The following AGBL1 variants were observed in gnomAD, a reference collection of about 807,000 sequenced individuals.
AGBL1 encodes AGBL carboxypeptidase 1.
A neutral mutation model predicts 118.9 loss-of-function variants in AGBL1; 130 were observed. The observed-to-expected ratio is 1.09, with a 90% CI of 0.95 to 1.26. The LOEUF (loss-of-function observed/expected upper bound fraction) is 1.26, where lower values mean the gene tolerates loss of function less well. Among genes scored for constraint, AGBL1 ranks in the 50% most tolerant of loss-of-function variants. AGBL1 has a pLI of 0.00. For missense variants in AGBL1, 1,584 were observed against 1,298.1 expected (o/e 1.22, Z -3.38); for synonymous variants, 555 against 478.9 (o/e 1.16, Z -2.08).
At position 86,256,906 on chromosome 15, in the gene AGBL1, C is replaced by A. The variant is rs372417529; in HGVS notation, c.789C>A (p.Ile263=). 1 of 1,613,802 alleles carries A rather than the reference C, an allele frequency of 6.2e-7. No individual in the cohort carries two copies. The highest frequency in any genetic ancestry group is 8.5e-7 in the Non-Finnish European group (1 of 1,179,880). ...CCGTCATCTCTGTGGTGCTTCAGAT[C>A]CTGAGGCAGTGCTACCCTACGAGTC... ...MEPVISVVLQ[I]LRQCYPTSPL... The change falls in exon 8 of 23, where the codon ATC becomes ATA. Residue 263 remains isoleucine, a synonymous_variant. Coordinates refer to ENST00000614907, the MANE Select transcript of AGBL1 (RefSeq NM_001386094.1).
At chr15:86,303,571 A>G (rs766336368) in intron 17 of AGBL1, among the ~76,000 whole-genome samples, 7 of 152,194 alleles carry the variant, frequency 4.6e-5, no homozygotes, top group African/African-American at 1.2e-4. Context: ...AGGCCTAAAA[A>G]TTATTTAAGA....
In AGBL1 at chr15:86,418,348, T is replaced by C. The variant is rs79428363; in HGVS notation, c.2555+20802T>C. Among the ~76,000 whole-genome samples the C allele has an allele frequency of 1.3e-3, 202 of 152,310 alleles. 8 individuals carry two copies. In the East Asian group the frequency reaches 0.035, roughly 26 times the overall value. On this transcript the variant is annotated intron_variant, in intron 18 of 22. Coordinates refer to ENST00000614907, the MANE Select transcript of AGBL1 (RefSeq NM_001386094.1). ...ACTTGCAAGGATATCTTGAGAGACT[T>C]TTGCAAATTCCTCACTGAAGGCCTG...
intron 22 of AGBL1, among the ~76,000 whole-genome samples, chr15:86,748,749 C>G (rs1357046237): frequency 6.6e-6 from 1 of 151,720 alleles, no homozygotes; most frequent in Non-Finnish European, 1.5e-5. Context: ...TTTCCCAGCA[C>G]CATTTATTAA....
chr15:86,663,990 A>T (rs2085594810), intron 21 of AGBL1, among the ~76,000 whole-genome samples: 1 of 152,128 alleles, frequency 6.6e-6, no homozygotes. Flanking sequence ...TGCTGTGGTC[A>T]TTCATGGTGT....
intron 18 of AGBL1, among the ~76,000 whole-genome samples, chr15:86,520,639 T>G (rs989338851): frequency 3.3e-5 from 5 of 152,134 alleles, no homozygotes; most frequent in African/African-American, 4.8e-5. Flanking sequence ...GCTGGACACA[T>G]GTATGCTTGC....
chr15:86,883,521 C>G (rs369041677), intron 22 of AGBL1, among the ~76,000 whole-genome samples: 5 of 152,136 alleles, frequency 3.3e-5, no homozygotes, highest in African/African-American at 1.2e-4. Flanking sequence ...TTCCTGCCTC[C>G]CCCTGACAGA....
intron 24 of AGBL1, among the ~76,000 whole-genome samples, chr15:87,028,364 G>A (rs1417690572): frequency 4.6e-5 from 7 of 152,032 alleles, no homozygotes; most frequent in South Asian, 4.2e-4. Flanking sequence ...AGACTCAAAC[G>A]TGGTTAGTGA....
rs142002722 is a variant in AGBL1 at position 87,004,511 on chromosome 15, C to T, written c.3323+16423C>T. Among the ~76,000 whole-genome samples, 820 of 152,082 alleles carry T rather than the reference C, an allele frequency of 5.4e-3. 4 individuals are homozygous for T. Among genetic ancestry groups the T allele is most frequent in the Non-Finnish European group, 8.3e-3 (567 of 67,992 alleles). On this transcript the variant is annotated intron_variant, in intron 24 of 24. Coordinates refer to the AGBL1 transcript ENST00000441037. ...TTTTATCAGAGACTAAGATTATAAC[C>T]CCTGCCTTTTTTTGTTTTCCATTTG...
At chr15:86,752,117 A>G (rs2077863611) in intron 22 of AGBL1, among the ~76,000 whole-genome samples, 1 of 152,084 alleles carries the variant, frequency 6.6e-6, no homozygotes, top group Non-Finnish European at 1.5e-5. Context: ...GCAGGAGTTA[A>G]TGTACCACAG....
chr15:86,388,379 T>C (rs1292118275), intron 17 of AGBL1, among the ~76,000 whole-genome samples: 2 of 152,024 alleles, frequency 1.3e-5, no homozygotes, highest in Non-Finnish European at 2.9e-5. Flanking sequence ...AAAAGAATAC[T>C]GAAGGAACCA....
At chr15:86,578,286 T>G (rs1318079400) in intron 21 of AGBL1, among the ~76,000 whole-genome samples, 1 of 152,224 alleles carries the variant, frequency 6.6e-6, no homozygotes, top group Non-Finnish European at 1.5e-5. Flanking sequence ...ATTTCAGACT[T>G]GCATGGGGGA....
At chr15:86,479,551 A>T (rs2082618443) in intron 18 of AGBL1, among the ~76,000 whole-genome samples, 1 of 152,214 alleles carries the variant, frequency 6.6e-6, no homozygotes, top group Admixed American at 6.5e-5. Context: ...CACCAGTTAG[A>T]ATGGTGATCA....
intron 18 of AGBL1, among the ~76,000 whole-genome samples, chr15:86,495,965 A>C (rs2082849015): frequency 6.6e-6 from 1 of 151,780 alleles, no homozygotes. Context: ...TTTCACCCCC[A>C]ATACTAGTAT....
intron 22 of AGBL1, among the ~76,000 whole-genome samples, chr15:86,746,287 GA>G (rs1218360349): frequency 1.3e-5 from 2 of 152,072 alleles, no homozygotes; most frequent in Non-Finnish European, 2.9e-5. Flanking sequence ...CATCCATATT[GA>G]AAAGGTTTTA....
At chr15:86,536,733 G>T (rs1197367938) in intron 19 of AGBL1, among the ~76,000 whole-genome samples, 1 of 152,184 alleles carries the variant, frequency 6.6e-6, no homozygotes, top group African/African-American at 2.4e-5. Context: ...GGGGAAAATA[G>T]GAGGGTAACC....
Position 86,393,247 on chromosome 15 carries a change from G to A in AGBL1, c.2375-4119G>A, listed in dbSNP as rs140251035. Among the ~76,000 whole-genome samples, 720 of 152,302 alleles carry A rather than the reference G, an allele frequency of 4.7e-3. 11 individuals carry two copies. Among genetic ancestry groups the A allele is most frequent in the Middle Eastern group, 0.01 (3 of 294 alleles). On this transcript the variant is annotated intron_variant, in intron 17 of 22. Coordinates refer to ENST00000614907, the MANE Select transcript of AGBL1 (RefSeq NM_001386094.1). ...CAATGGAAAGAGACACATTGTTGAT[G>A]TCTCTCTGTTAGAGCTTGCATTTGG...
intron 22 of AGBL1, among the ~76,000 whole-genome samples, chr15:86,863,158 C>T (rs1156380548): frequency 1.3e-5 from 2 of 152,142 alleles, no homozygotes; most frequent in African/African-American, 4.8e-5. Flanking sequence ...ATGGGTGCTG[C>T]ATGGTGATAG....
At chr15:86,557,305 G>T (rs1055452034) in intron 21 of AGBL1, among the ~76,000 whole-genome samples, 1 of 152,200 alleles carries the variant, frequency 6.6e-6, no homozygotes, top group Non-Finnish European at 1.5e-5. Context: ...GTGGACAGCT[G>T]TGGGCTTCAC....
intron 24 of AGBL1, among the ~76,000 whole-genome samples, chr15:87,002,183 A>T (rs990063213): frequency 6.6e-6 from 1 of 152,134 alleles, no homozygotes; most frequent in Non-Finnish European, 1.5e-5. Flanking sequence ...ATCCAGTTTC[A>T]GCTTTCTACA....
Sources: allele counts gnomAD v4.1 joint callset (sites outside exome capture counted in the v4.1 genomes callset), GRCh38; gene constraint gnomAD v4.1.1; transcripts MANE v1.5; gene names NCBI Gene and HGNC (gene_info 2026-07-23, HGNC 2026-07-21).